Variants in SGCZ observed in about 807,000 individuals in gnomAD.
The protein encoded by SGCZ is zeta-sarcoglycan.
A neutral mutation model predicts 41.3 loss-of-function variants in SGCZ; 40 were observed. The observed-to-expected ratio is 0.97, with a 90% CI of 0.75 to 1.26. SGCZ has a LOEUF of 1.26. Among genes scored for constraint, SGCZ ranks in the 50% most tolerant of loss-of-function variants. The pLI, the probability that SGCZ is intolerant of heterozygous loss-of-function variation, is 0.00. For synonymous variants in SGCZ, 206 were observed against 137.5 expected (o/e 1.50, Z -3.49); for missense variants, 552 against 369.8 (o/e 1.49, Z -4.04).
chr8:15,213,015 A>G (rs1171247702), intron 1 of SGCZ, among the ~76,000 whole-genome samples: 1 of 152,066 alleles, frequency 6.6e-6, no homozygotes, highest in Non-Finnish European at 1.5e-5. Context: ...ATGAAAAGTG[A>G]TAAAATTAAC....
At chr8:14,813,820 G>A (rs562270169) in intron 1 of SGCZ, among the ~76,000 whole-genome samples, 103 of 152,228 alleles carry the variant, frequency 6.8e-4, no homozygotes, top group African/African-American at 2.4e-3. Context: ...AGGCATGGGG[G>A]TGCATGCCTG....
chr8:14,391,357 CAAAG>C (rs1804763875), intron 2 of SGCZ, among the ~76,000 whole-genome samples: 2 of 151,474 alleles, frequency 1.3e-5, no homozygotes, highest in African/African-American at 2.4e-5. Flanking sequence ...AACAAAGAAA[CAAAG>C]AAAAAATTCA....
At chr8:14,901,345 C>T (rs1288816918) in intron 1 of SGCZ, among the ~76,000 whole-genome samples, 2 of 152,086 alleles carry the variant, frequency 1.3e-5, no homozygotes, top group Non-Finnish European at 2.9e-5. Context: ...GAGTAGCTCC[C>T]AAACACATCT....
At chr8:14,358,613 T>C (rs1441850582) in intron 2 of SGCZ, among the ~76,000 whole-genome samples, 1 of 152,036 alleles carries the variant, frequency 6.6e-6, no homozygotes, top group Non-Finnish European at 1.5e-5. Flanking sequence ...CTGTAAGGTA[T>C]ATATATATAT....
chr8:14,490,495 A>G (rs1316869767), intron 2 of SGCZ, among the ~76,000 whole-genome samples: 2 of 152,204 alleles, frequency 1.3e-5, no homozygotes, highest in Non-Finnish European at 2.9e-5. Context: ...ACACACTGCA[A>G]AATGAGGTCT....
At chr8:14,726,151 C>T (rs1220279062) in intron 1 of SGCZ, among the ~76,000 whole-genome samples, 5 of 149,792 alleles carry the variant, frequency 3.3e-5, no homozygotes, top group East Asian at 2.0e-4. Flanking sequence ...CCCAGCTACT[C>T]GGGAGGCTGA....
intron 4 of SGCZ, among the ~76,000 whole-genome samples, chr8:14,181,807 T>A (rs2117024752): frequency 6.6e-6 from 1 of 152,332 alleles, no homozygotes; most frequent in East Asian, 1.9e-4. Context: ...CATCTTCCCT[T>A]TATAAATTAC....
At chr8:14,572,192 C>G (rs182567479) in intron 1 of SGCZ, among the ~76,000 whole-genome samples, 1 of 152,174 alleles carries the variant, frequency 6.6e-6, no homozygotes, top group African/African-American at 2.4e-5. Flanking sequence ...TTACTGCTCT[C>G]TACCAGATAG....
intron 1 of SGCZ, among the ~76,000 whole-genome samples, chr8:14,904,107 T>C (rs1225695846): frequency 3.3e-5 from 5 of 152,102 alleles, no homozygotes. Flanking sequence ...TGCATTATTA[T>C]GCATCTTAGG....
chr8:14,222,870 T>G (rs1395909017), intron 4 of SGCZ, among the ~76,000 whole-genome samples: 3 of 134,670 alleles, frequency 2.2e-5, no homozygotes, highest in African/African-American at 8.6e-5. Context: ...TGGTGTGCAG[T>G]GGGTGATCTC....
At chr8:14,656,568 T>G (rs561831135) in intron 1 of SGCZ, among the ~76,000 whole-genome samples, 1 of 149,664 alleles carries the variant, frequency 6.7e-6, no homozygotes, top group South Asian at 2.1e-4. Context: ...TTTCTTTTCC[T>G]TCCCTGCTTC....
chr8:14,166,405 A>G (rs1804211993), intron 4 of SGCZ, among the ~76,000 whole-genome samples: 1 of 152,140 alleles, frequency 6.6e-6, no homozygotes, highest in African/African-American at 2.4e-5. Context: ...ATAGACGACA[A>G]TGAGCCATAG....
chr8:14,657,256 T>C (rs540090772), intron 1 of SGCZ, among the ~76,000 whole-genome samples: 1 of 152,150 alleles, frequency 6.6e-6, no homozygotes, highest in East Asian at 1.9e-4. Context: ...CCGGGTTCCC[T>C]CATGAACAGG....
chr8:15,172,447 T>C (rs1286176868), intron 1 of SGCZ, among the ~76,000 whole-genome samples: 1 of 152,102 alleles, frequency 6.6e-6, no homozygotes, highest in Non-Finnish European at 1.5e-5. Flanking sequence ...TTTTATAAAA[T>C]AGAAATCAAA....
intron 2 of SGCZ, among the ~76,000 whole-genome samples, chr8:14,478,055 TGGTGAGGATACTG>T: frequency 1.3e-5 from 2 of 152,350 alleles, no homozygotes; most frequent in Admixed American, 1.3e-4. Context: ...CACCAAATTC[TGGTGAGGATACTG>T]GACAATGTGC....
intron 3 of SGCZ, among the ~76,000 whole-genome samples, chr8:14,250,857 T>A (rs77611893): frequency 0.032 from 4,865 of 152,246 alleles, 91 homozygotes; most frequent in African/African-American, 0.054. Flanking sequence ...ATACTCCTCA[T>A]CCTTTAATCA....
intron 1 of SGCZ, among the ~76,000 whole-genome samples, chr8:14,807,809 C>G (rs1801595278): frequency 6.6e-6 from 1 of 152,222 alleles, no homozygotes; most frequent in African/African-American, 2.4e-5. Flanking sequence ...CTGGAGGCAT[C>G]ACACTATCTG....
chr8:14,545,150 A>C (rs1803585834), intron 2 of SGCZ, among the ~76,000 whole-genome samples: 1 of 152,134 alleles, frequency 6.6e-6, no homozygotes, highest in South Asian at 2.1e-4. Flanking sequence ...CCTACATTGA[A>C]ATATTGGGGG....
chr8:14,361,829 T>G (rs1803524576), intron 2 of SGCZ, among the ~76,000 whole-genome samples: 1 of 152,200 alleles, frequency 6.6e-6, no homozygotes, highest in African/African-American at 2.4e-5. Flanking sequence ...TATCTATCTT[T>G]GGTTCTTAAT....
Sources: allele counts gnomAD v4.1 joint callset (sites outside exome capture counted in the v4.1 genomes callset), GRCh38; gene constraint gnomAD v4.1.1; transcripts MANE v1.5; gene names NCBI Gene and HGNC (gene_info 2026-07-23, HGNC 2026-07-21).